The following WNT5A variants were observed in gnomAD, a reference collection of about 807,000 sequenced individuals.
The protein encoded by WNT5A is protein Wnt-5a.
WNT5A carries 9 observed loss-of-function variants against 42.1 expected under a neutral mutation model. The ratio of observed to expected loss-of-function variants is 0.21; its 90% CI spans 0.13 to 0.37. The LOEUF (loss-of-function observed/expected upper bound fraction) is 0.37, where lower values mean the gene tolerates loss of function less well. Ranked by LOEUF, WNT5A falls within the 10% of genes least tolerant of loss-of-function variation. The pLI, the probability that WNT5A is intolerant of heterozygous loss-of-function variation, is 1.00. For synonymous variants in WNT5A, 210 were observed against 210.0 expected (o/e 1.00, Z 0.00); for missense variants, 426 against 534.0 (o/e 0.80, Z 1.99).
intron 1 of WNT5A, chr3:55,481,469 G>A: frequency 2.3e-6 from 2 of 851,634 alleles, no homozygotes; most frequent in Non-Finnish European, 2.8e-6. Context: ...GGCAGGACGC[G>A]GGAGGGAAGG....
At position 55,466,212 on chromosome 3, in the gene WNT5A, A is replaced by T. The variant is rs2106865757; in HGVS notation, c.*3880T>A. ...AATAAATATTTTAAAAGTATAGCTT[A>T]CAGTGACAATGTAGTATTTTAGACC... On this transcript the variant is annotated 3_prime_UTR_variant, in exon 5 of 5. Transcript: ENST00000264634. 1 of 152,334 alleles carries T rather than the reference A, an allele frequency of 6.6e-6. No individual in the cohort carries two copies. Among genetic ancestry groups the T allele is most frequent in the East Asian group, 1.9e-4 (1 of 5,190 alleles). The allele number at this position is 152,334 out of a possible 1,614,324, so 9.4% of individuals were successfully genotyped here.
At chr3:55,501,215 T>C in the WNT5A span, among the ~76,000 whole-genome samples, 12 of 152,334 alleles carry the variant, frequency 7.9e-5, no homozygotes, top group Admixed American at 7.2e-4. Context: ...TATCCAGTTA[T>C]ATGCCCTCCT....
At position 55,483,257 on chromosome 3, in the gene WNT5A, G is replaced by A. The variant is rs896580326; in HGVS notation, c.7-2339C>T. ...AGAGGTAGGCAGAGGGTGTCCCAAA[G>A]GGGGATCGGAAAGGAGAGCCTCACG... On this transcript the variant is annotated intron_variant, in intron 1 of 4. Coordinates refer to ENST00000264634, the MANE Select transcript of WNT5A (RefSeq NM_003392.7). The surrounding 1 kb of genome is among the most constrained non-coding windows in gnomAD (Gnocchi z 4.2). Among the ~76,000 whole-genome samples, 1 of 152,148 alleles carries A rather than the reference G, an allele frequency of 6.6e-6. No individual in the cohort carries two copies. The highest frequency in any genetic ancestry group is 6.5e-5 in the Admixed American group (1 of 15,290).
chr3:55,476,811 A>G (rs928047561), intron 3 of WNT5A, among the ~76,000 whole-genome samples: 1 of 152,206 alleles, frequency 6.6e-6, no homozygotes, highest in Non-Finnish European at 1.5e-5. Context: ...TGAAACCCAC[A>G]TCTACTCCGA....
Position 55,487,132 on chromosome 3 carries a change from A to G in WNT5A, c.-147T>C, listed in dbSNP as rs1575409108. On this transcript the variant is annotated 5_prime_UTR_variant, in exon 1 of 5. Transcript: ENST00000264634. The stretch of plus-strand genomic sequence containing the variant: ...GGCGCGCGTCCGGCGGGCGCAGTGA[A>G]CCGGAGCTGAAGCGGGCACTGGCGC... The G allele has an allele frequency of 7.4e-6, 5 of 677,894 alleles. No individual in the cohort carries two copies. In the East Asian group the frequency reaches 1.4e-4, roughly 19 times the overall value. The allele number at this position is 677,894 out of a possible 1,614,324, so 42.0% of individuals were successfully genotyped here.
chr3:55,504,040 G>A, the WNT5A span, among the ~76,000 whole-genome samples: 1 of 152,180 alleles, frequency 6.6e-6, no homozygotes, highest in Non-Finnish European at 1.5e-5. Flanking sequence ...GGGAGGCCAA[G>A]ACAGGTGGAT....
chr3:55,474,937 G>C (rs1281071402), intron 3 of WNT5A, among the ~76,000 whole-genome samples: 1 of 142,410 alleles, frequency 7.0e-6, no homozygotes, highest in Non-Finnish European at 1.5e-5. Flanking sequence ...GGAGATGGGG[G>C]GGTAGGGGGT....
intron 3 of WNT5A, 63 bp downstream of exon 3, chr3:55,479,251 C>T (rs1200426323): frequency 1.4e-6 from 2 of 1,434,228 alleles, no homozygotes; most frequent in East Asian, 2.5e-5. Flanking sequence ...GAAGTAAATG[C>T]TAAGGATTTC....
the WNT5A span, chr3:55,501,797 G>A: frequency 6.6e-6 from 1 of 152,188 alleles, no homozygotes; most frequent in African/African-American, 2.4e-5. Flanking sequence ...TGGAGAAAAT[G>A]CTATTAATGA....
At chr3:55,488,188 G>A (rs4362692), upstream of WNT5A, 965 of 152,724 alleles carry the variant, frequency 6.3e-3, 5 homozygotes, top group Non-Finnish European at 0.01. Flanking sequence ...CGGCGGCGGC[G>A]GAAGGGCTCG....
intron 1 of WNT5A, chr3:55,481,179 G>T: frequency 1.5e-6 from 1 of 671,236 alleles, no homozygotes. Flanking sequence ...TCTCAATTCT[G>T]TTGAGTCAAA....
In WNT5A at chr3:55,483,149, G is replaced by A. The variant is rs2051502861; in HGVS notation, c.7-2231C>T. 6.6e-6 allele frequency among the ~76,000 whole-genome samples: 1 copy of A among 152,176 alleles called. No individual in the cohort carries two copies. Among genetic ancestry groups the A allele is most frequent in the African/African-American group, 2.4e-5 (1 of 41,444 alleles). ...ACTCCCAGCCCGAAGCCCCCAGGGA[G>A]AGTCCACCAGTTCCCAGAGCCCAGG... On this transcript the variant is annotated intron_variant, in intron 1 of 4. Coordinates refer to ENST00000264634, the MANE Select transcript of WNT5A (RefSeq NM_003392.7). This position sits in a 1 kb window ranked among gnomAD's most constrained non-coding sequence, Gnocchi z 4.2.
chr3:55,487,136 G>A lies in WNT5A; in HGVS notation c.-151C>T, dbSNP rs1452647363. 2.0e-5 allele frequency: 13 copies of A among 661,300 alleles called. No homozygotes were observed. Among genetic ancestry groups the A allele is most frequent in the Middle Eastern group, 4.1e-4 (1 of 2,440 alleles). 41.0% of individuals were successfully genotyped at this position (661,300 alleles called of 1,614,324 possible). A position where few individuals can be genotyped will look rare whatever the true frequency, so the allele number is the denominator to read the frequency against. On this transcript the variant is annotated 5_prime_UTR_variant, in exon 1 of 5. Coordinates refer to ENST00000264634, the MANE Select transcript of WNT5A (RefSeq NM_003392.7). ...CGCGTCCGGCGGGCGCAGTGAACCG[G>A]AGCTGAAGCGGGCACTGGCGCCCGG...
At chr3:55,472,851 T>C (rs2051278620) in intron 4 of WNT5A, among the ~76,000 whole-genome samples, 1 of 152,212 alleles carries the variant, frequency 6.6e-6, no homozygotes, top group Non-Finnish European at 1.5e-5. Flanking sequence ...TGGCGGACAC[T>C]AAACTAAGAC....
chr3:55,471,868 G>A (rs549401553), intron 4 of WNT5A, among the ~76,000 whole-genome samples: 16 of 152,310 alleles, frequency 1.1e-4, no homozygotes, highest in South Asian at 6.2e-4. Context: ...GGCCTCTTCC[G>A]CAGAGAACAG....
At chr3:55,494,999 C>G (rs2107051319), upstream of WNT5A, among the ~76,000 whole-genome samples, 1 of 152,290 alleles carries the variant, frequency 6.6e-6, no homozygotes, top group South Asian at 2.1e-4. Flanking sequence ...CCTCAAATCT[C>G]AAGACTACCA....
the WNT5A span, among the ~76,000 whole-genome samples, chr3:55,504,139 G>A: frequency 6.6e-6 from 1 of 152,068 alleles, no homozygotes; most frequent in Non-Finnish European, 1.5e-5. Flanking sequence ...AGACATGGTG[G>A]CACAGGCCTG....
intron 4 of WNT5A, among the ~76,000 whole-genome samples, chr3:55,470,894 G>A (rs1036406625): frequency 6.6e-6 from 1 of 152,050 alleles, no homozygotes; most frequent in Non-Finnish European, 1.5e-5. Context: ...TGCATTACCT[G>A]AATTAATCCC....
intron 3 of WNT5A, among the ~76,000 whole-genome samples, chr3:55,476,370 G>T (rs1452615691): frequency 1.3e-5 from 2 of 152,174 alleles, no homozygotes; most frequent in Non-Finnish European, 2.9e-5. Flanking sequence ...CTATCTAGCG[G>T]GATTAGAGAG....
Sources: gnomAD v4.1 joint callset for allele counts (sites outside exome capture counted in the v4.1 genomes callset) on GRCh38, gnomAD v4.1.1 for gene constraint, Gnocchi (gnomAD v3.1) non-coding constraint, MANE v1.5 for transcripts, NCBI Gene and HGNC (gene_info 2026-07-23, HGNC 2026-07-21) for gene names.